The following SLC43A1 variants were observed in gnomAD, a reference collection of about 807,000 sequenced individuals.
SLC43A1 encodes the protein large neutral amino acids transporter small subunit 3.
SLC43A1 carries 31 observed loss-of-function variants against 59.5 expected under a neutral mutation model. The ratio of observed to expected loss-of-function variants is 0.52; its 90% CI spans 0.39 to 0.70. SLC43A1 has a LOEUF of 0.70. Among genes scored for constraint, SLC43A1 ranks in the 30% least tolerant of loss-of-function variants. The probability of loss-of-function intolerance (pLI) is 0.00; values close to 1 mark genes in which losing one functional copy is unlikely to be tolerated. For synonymous variants in SLC43A1, 259 were observed against 290.9 expected, an observed-to-expected ratio of 0.89 and a Z score of 1.12; for missense variants, 598 against 717.8, an observed-to-expected ratio of 0.83 and a Z score of 1.91.
Position 57,514,031 on chromosome 11 carries a change from AGAG to A in SLC43A1, c.78_80del (p.Ser27del), listed in dbSNP as rs770412294. On this transcript the variant is annotated inframe_deletion, in exon 2 of 15. Transcript: ENST00000278426. This position sits in a 1 kb window ranked among gnomAD's most constrained non-coding sequence, Gnocchi z 5.5. ...GGGAGCCCCAGCCCAGGAGTACAGCAGAGAAGAAGAGGTTCTCCAGCACAGCCG... is the reference window on the plus strand; with the variant it reads ...GGGAGCCCCAGCCCAGGAGTACAGCAAAGAAGAGGTTCTCCAGCACAGCCG... 4 of 1,605,146 alleles carry A rather than the reference AGAG, an allele frequency of 2.5e-6. No individual in the cohort carries two copies. Among genetic ancestry groups the A allele is most frequent in the Non-Finnish European group, 3.4e-6 (4 of 1,175,716 alleles).
chr11:57,492,737 A>G (rs1037128425), intron 8 of SLC43A1, among the ~76,000 whole-genome samples: 6 of 141,794 alleles, frequency 4.2e-5, no homozygotes, highest in Non-Finnish European at 7.7e-5. Context: ...CTATTTTACA[A>G]AAAAAAAAAA....
chr11:57,500,539 G>A (rs923888137), intron 5 of SLC43A1, among the ~76,000 whole-genome samples: 1 of 152,104 alleles, frequency 6.6e-6, no homozygotes, highest in African/African-American at 2.4e-5. Flanking sequence ...ACATTCATGG[G>A]CTCTGTACAC....
chr11:57,496,635 G>A (rs1944097857), intron 6 of SLC43A1, among the ~76,000 whole-genome samples: 1 of 152,160 alleles, frequency 6.6e-6, no homozygotes. Context: ...GACTGCTCAT[G>A]CTCAGCCTTT....
intron 11 of SLC43A1, among the ~76,000 whole-genome samples, chr11:57,489,876 G>A (rs1020273958): frequency 6.6e-5 from 10 of 152,206 alleles, no homozygotes; most frequent in Non-Finnish European, 1.0e-4. Flanking sequence ...ACTGTCCAGC[G>A]CTTCCTCTCT....
intron 8 of SLC43A1, among the ~76,000 whole-genome samples, chr11:57,493,761 T>A (rs1437922250): frequency 6.6e-6 from 1 of 152,076 alleles, no homozygotes; most frequent in Non-Finnish European, 1.5e-5. Flanking sequence ...TTTTGGAAGC[T>A]CCTCCCTCCC....
intron 10 of SLC43A1, 35 bp from the exon 11 acceptor site, chr11:57,491,397 C>T (rs750361368): frequency 1.3e-6 from 2 of 1,569,038 alleles, no homozygotes; most frequent in South Asian, 2.4e-5. Flanking sequence ...GGGTCAGGAA[C>T]TGGCACTCAG....
Position 57,514,695 on chromosome 11 carries a change from C to T in SLC43A1, c.-13-571G>A. The T allele has an allele frequency of 2.4e-6, 1 of 417,292 alleles. No homozygotes were observed. The highest frequency in any genetic ancestry group is 3.2e-6 in the Non-Finnish European group (1 of 310,362). The allele number at this position is 417,292 out of a possible 1,614,324, so 25.8% of individuals were successfully genotyped here. A position where few individuals can be genotyped will look rare whatever the true frequency, so the allele number is the denominator to read the frequency against. On this transcript the variant is annotated intron_variant, in intron 1 of 14. Transcript: ENST00000278426. This position sits in a 1 kb window ranked among gnomAD's most constrained non-coding sequence, Gnocchi z 5.5. Reference sequence around the variant, plus strand: ...GGTGACCCACGACCCTACAGTCTCTCGGGCCAAGCCAACAGCTGCCACGTG... The same window carrying T: ...GGTGACCCACGACCCTACAGTCTCTTGGGCCAAGCCAACAGCTGCCACGTG...
At chr11:57,513,545 T>G (rs144437545) in intron 2 of SLC43A1, among the ~76,000 whole-genome samples, 64 of 152,334 alleles carry the variant, frequency 4.2e-4, no homozygotes, top group African/African-American at 1.4e-3. Flanking sequence ...TTTGAAAACC[T>G]GGGGGCTCCC....
chr11:57,494,322 T>C (rs761240925), intron 7 of SLC43A1, 151 bp from the exon 8 acceptor site: 33 of 682,822 alleles, frequency 4.8e-5, no homozygotes, highest in Non-Finnish European at 7.1e-5. Flanking sequence ...CTTCTGTTTC[T>C]GTTGCTCAGA....
chr11:57,486,327 C>T (rs1196000664), intron 14 of SLC43A1, among the ~76,000 whole-genome samples: 1 of 152,064 alleles, frequency 6.6e-6, no homozygotes, highest in Non-Finnish European at 1.5e-5. Flanking sequence ...TTTATCTGTA[C>T]AAAATTTTTT....
chr11:57,495,580 C>T (rs1944054070), intron 7 of SLC43A1, among the ~76,000 whole-genome samples: 1 of 152,136 alleles, frequency 6.6e-6, no homozygotes, highest in African/African-American at 2.4e-5. Flanking sequence ...TAATCGGACA[C>T]TTTGGAAGGG....
rs878948219 is a variant in SLC43A1 at position 57,495,966 on chromosome 11, C to A, written c.692+65G>T. The A allele has an allele frequency of 3.2e-6, 5 of 1,558,178 alleles. No individual in the cohort carries two copies. The Admixed American group carries it at 9.4e-5, about 29-fold the overall frequency. On this transcript the variant is annotated intron_variant, in intron 7 of 14. Transcript: ENST00000278426. ...GTCTCTCTGAATCCAAAGTTAATTC[C>A]GTCTATCATATCACCACAGCCCTCT... is the stretch of plus-strand genomic sequence containing the variant.
chr11:57,510,763 G>A (rs563836710), intron 2 of SLC43A1, among the ~76,000 whole-genome samples: 251 of 151,530 alleles, frequency 1.7e-3, no homozygotes, highest in African/African-American at 5.4e-3. Context: ...GAGGCCGAGG[G>A]GGGTGGATCA....
In SLC43A1 at chr11:57,491,706, G is replaced by A. The variant is rs376126438; in HGVS notation, c.1018+10C>T. On this transcript the variant is annotated intron_variant, in intron 9 of 14. Transcript: ENST00000278426. ...GCCCCCAACCCCCAGGGGCCTCAGCGGTGCCTCACCATGCTCCTGGCCACC... is the reference window on the plus strand; with the variant it reads ...GCCCCCAACCCCCAGGGGCCTCAGCAGTGCCTCACCATGCTCCTGGCCACC... 32 of 1,614,120 alleles carry A rather than the reference G, an allele frequency of 2.0e-5. No homozygotes were observed. Among genetic ancestry groups the A allele is most frequent in the Middle Eastern group, 3.3e-4 (2 of 6,084 alleles).
chr11:57,495,280 G>A (rs1944045803), intron 7 of SLC43A1, among the ~76,000 whole-genome samples: 1 of 151,830 alleles, frequency 6.6e-6, no homozygotes, highest in Non-Finnish European at 1.5e-5. Context: ...CTTGAGGCCA[G>A]GAGTTCAAGA....
intron 2 of SLC43A1, among the ~76,000 whole-genome samples, chr11:57,510,290 CT>C (rs1475490175): frequency 5.3e-5 from 8 of 151,578 alleles, no homozygotes; most frequent in Admixed American, 2.6e-4. Context: ...AACCCCATCT[CT>C]ACTGAAAATA....
At chr11:57,486,739 G>T (rs1382425475) in intron 14 of SLC43A1, among the ~76,000 whole-genome samples, 4 of 151,324 alleles carry the variant, frequency 2.6e-5, no homozygotes, top group African/African-American at 9.7e-5. Flanking sequence ...AACCCGGGAG[G>T]CGGAGCTTGC....
chr11:57,500,661 T>C (rs1944235898), intron 5 of SLC43A1, 118 bp downstream of exon 5: 3 of 835,900 alleles, frequency 3.6e-6, no homozygotes, highest in Non-Finnish European at 6.0e-6. Flanking sequence ...TCACTTGATC[T>C]AGTGATCTGC....
chr11:57,499,219 G>C (rs1374508956), intron 5 of SLC43A1, among the ~76,000 whole-genome samples: 1 of 152,034 alleles, frequency 6.6e-6, no homozygotes, highest in East Asian at 1.9e-4. Context: ...AGCTACTCGG[G>C]AGGCTGAGGC....
Sources: gnomAD v4.1 joint callset for allele counts (sites outside exome capture counted in the v4.1 genomes callset) on GRCh38, gnomAD v4.1.1 for gene constraint, Gnocchi (gnomAD v3.1) non-coding constraint, MANE v1.5 for transcripts, NCBI Gene and HGNC (gene_info 2026-07-23, HGNC 2026-07-21) for gene names.